ZNF385D: variants seen among roughly 807,000 people sequenced by gnomAD.
ZNF385D encodes the protein zinc finger protein 659.
In ZNF385D, 15 loss-of-function variants were observed where a neutral mutation model predicts 35.8. The ratio of observed to expected loss-of-function variants is 0.42; its 90% confidence interval spans 0.28 to 0.64. The LOEUF is 0.64. Among genes scored for constraint, ZNF385D ranks in the 30% least tolerant of loss-of-function variants. ZNF385D has a pLI of 0.23. For synonymous variants in ZNF385D, 212 were observed against 186.8 expected (o/e 1.13, Z -1.10); for missense variants, 474 against 494.6 (o/e 0.96, Z 0.39).
chr3:21,947,854 T>G (rs1209682399), intron 3 of ZNF385D, among the ~76,000 whole-genome samples: 1 of 152,170 alleles, frequency 6.6e-6, no homozygotes, highest in Non-Finnish European at 1.5e-5. Context: ...TTGTCTATAT[T>G]TAATAGAATT....
At chr3:21,575,964 C>T (rs1211585791) in intron 2 of ZNF385D, among the ~76,000 whole-genome samples, 14 of 152,090 alleles carry the variant, frequency 9.2e-5, no homozygotes, top group Admixed American at 9.2e-4. Flanking sequence ...ACAAGAAAAG[C>T]TTAGGCTTAA....
chr3:21,700,994 C>G (rs1482856749), intron 1 of ZNF385D, among the ~76,000 whole-genome samples: 1 of 152,160 alleles, frequency 6.6e-6, no homozygotes, highest in Non-Finnish European at 1.5e-5. Flanking sequence ...GCATGGACAG[C>G]ATCAGTGCAC....
intron 2 of ZNF385D, among the ~76,000 whole-genome samples, chr3:21,602,127 G>A (rs1034975082): frequency 2.6e-5 from 4 of 152,082 alleles, no homozygotes; most frequent in African/African-American, 9.7e-5. Context: ...GCGTGTGCAG[G>A]GGAATTCCCA....
At chr3:22,281,537 T>A (rs143456970) in intron 2 of ZNF385D, among the ~76,000 whole-genome samples, 1 of 152,092 alleles carries the variant, frequency 6.6e-6, no homozygotes. Context: ...GTATATCACA[T>A]TTACTGACTT....
At chr3:21,846,263 A>T (rs1044421089) in intron 3 of ZNF385D, among the ~76,000 whole-genome samples, 5 of 152,026 alleles carry the variant, frequency 3.3e-5, no homozygotes, top group Non-Finnish European at 4.4e-5. Flanking sequence ...CAGTTCTAAT[A>T]AAAATATACT....
chr3:21,994,763 G>T (rs1475556494), intron 3 of ZNF385D, among the ~76,000 whole-genome samples: 1 of 152,140 alleles, frequency 6.6e-6, no homozygotes, highest in Non-Finnish European at 1.5e-5. Flanking sequence ...ATTTTTGGAT[G>T]GGCATGGTAG....
intron 3 of ZNF385D, among the ~76,000 whole-genome samples, chr3:21,983,571 A>G (rs1196897107): frequency 6.9e-6 from 1 of 144,798 alleles, no homozygotes; most frequent in Admixed American, 7.1e-5. Context: ...TCATTGTTGG[A>G]CATTTGGGTT....
At chr3:21,989,943 T>A (rs1695056014) in intron 3 of ZNF385D, among the ~76,000 whole-genome samples, 1 of 152,214 alleles carries the variant, frequency 6.6e-6, no homozygotes, top group Non-Finnish European at 1.5e-5. Context: ...CACACAAAGA[T>A]TTATGTGTAA....
At chr3:21,467,071 G>A (rs1703562134) in intron 4 of ZNF385D, among the ~76,000 whole-genome samples, 1 of 152,158 alleles carries the variant, frequency 6.6e-6, no homozygotes, top group African/African-American at 2.4e-5. Context: ...AATACTGATG[G>A]AGTAGGTAGT....
intron 2 of ZNF385D, among the ~76,000 whole-genome samples, chr3:22,218,513 A>T (rs1216163384): frequency 6.6e-6 from 1 of 152,108 alleles, no homozygotes; most frequent in Non-Finnish European, 1.5e-5. Flanking sequence ...ATACACACAC[A>T]ACTGTATCTG....
chr3:22,067,266 C>T (rs1700005365), intron 3 of ZNF385D, among the ~76,000 whole-genome samples: 1 of 152,184 alleles, frequency 6.6e-6, no homozygotes, highest in South Asian at 2.1e-4. Flanking sequence ...GGCAACCTGT[C>T]ATCTCTGTAA....
chr3:21,751,210 T>A lies in ZNF385D; in HGVS notation c.-294A>T. Reference sequence around the variant, plus strand: ...CTTGCCGCGCCTGTGACATCAGGACTGAGAGTACTACAAGCAGACCCCTCC... The same window carrying A: ...CTTGCCGCGCCTGTGACATCAGGACAGAGAGTACTACAAGCAGACCCCTCC... On this transcript the variant is annotated 5_prime_UTR_variant, in exon 1 of 8. Transcript: ENST00000281523. The A allele has an allele frequency of 7.5e-7, 1 of 1,326,024 alleles. No homozygotes were observed. Among genetic ancestry groups the A allele is most frequent in the Non-Finnish European group, 9.7e-7 (1 of 1,032,946 alleles). The allele number at this position is 1,326,024 out of a possible 1,614,324, so 82.1% of individuals were successfully genotyped here.
intron 3 of ZNF385D, chr3:21,877,801 T>C (rs954040467): frequency 4.6e-5 from 7 of 152,052 alleles, no homozygotes; most frequent in Admixed American, 1.3e-4. Flanking sequence ...TCAGCGTACC[T>C]GCTTGTAGAG....
intron 3 of ZNF385D, among the ~76,000 whole-genome samples, chr3:21,801,098 A>G (rs1382583554): frequency 6.6e-6 from 1 of 152,046 alleles, no homozygotes; most frequent in Non-Finnish European, 1.5e-5. Flanking sequence ...TTTTCCCTTC[A>G]TTCTATTAAT....
At chr3:21,464,629 C>G (rs2125322725) in intron 4 of ZNF385D, among the ~76,000 whole-genome samples, 1 of 152,190 alleles carries the variant, frequency 6.6e-6, no homozygotes, top group Admixed American at 6.5e-5. Flanking sequence ...TTAGAAGCTG[C>G]AGTTCAACAT....
At chr3:22,201,734 T>C (rs1443722434) in intron 2 of ZNF385D, among the ~76,000 whole-genome samples, 1 of 151,906 alleles carries the variant, frequency 6.6e-6, no homozygotes, top group African/African-American at 2.4e-5. Context: ...TTAAAATGCA[T>C]ACATGCAGGA....
intron 1 of ZNF385D, among the ~76,000 whole-genome samples, chr3:21,710,625 T>C (rs114264457): frequency 0.013 from 2,043 of 152,328 alleles, 19 homozygotes; most frequent in Non-Finnish European, 0.022. Flanking sequence ...TTTTTACTTA[T>C]ACTCATGCAT....
chr3:21,714,301 A>G (rs947637539), intron 1 of ZNF385D, among the ~76,000 whole-genome samples: 3 of 152,130 alleles, frequency 2.0e-5, no homozygotes. Flanking sequence ...CCCTAGACTA[A>G]GTTATTTCAT....
At chr3:22,058,151 T>C (rs1474707093) in intron 3 of ZNF385D, among the ~76,000 whole-genome samples, 2 of 152,148 alleles carry the variant, frequency 1.3e-5, no homozygotes, top group Admixed American at 6.6e-5. Flanking sequence ...CCTTAAAGTA[T>C]TGGTAACTCA....
Sources: gnomAD v4.1 joint callset for allele counts (sites outside exome capture counted in the v4.1 genomes callset) on GRCh38, gnomAD v4.1.1 for gene constraint, MANE v1.5 for transcripts, NCBI Gene and HGNC (gene_info 2026-07-23, HGNC 2026-07-21) for gene names.